The following NRG1 variants were observed in gnomAD, a reference collection of about 807,000 sequenced individuals.
The protein encoded by NRG1 is neuregulin 1, also known as pro-neuregulin-1, membrane-bound isoform.
A neutral mutation model predicts 63.8 loss-of-function variants in NRG1; 18 were observed. That is an observed-to-expected ratio of 0.28 (90% CI 0.19 to 0.42). The LOEUF is 0.42. NRG1 is among the 10% of genes least tolerant of loss of function. The pLI is 1.00. For synonymous variants in NRG1, 302 were observed against 301.3 expected (o/e 1.00, Z -0.02); for missense variants, 762 against 814.7 (o/e 0.94, Z 0.79).
chr8:32,185,342 G>A (rs113692628), intron 1 of NRG1, among the ~76,000 whole-genome samples: 27 of 152,164 alleles, frequency 1.8e-4, no homozygotes, highest in Admixed American at 9.2e-4. Flanking sequence ...TAATATTACC[G>A]TTATTACCTC....
In NRG1 at chr8:31,935,000, G is replaced by T. The variant is rs538079707; in HGVS notation, c.37+295569G>T. 4.9e-4 allele frequency among the ~76,000 whole-genome samples: 74 copies of T among 152,288 alleles called. 1 individual carries two copies. In the South Asian group the frequency reaches 8.1e-3, roughly 17 times the overall value. On this transcript the variant is annotated intron_variant, in intron 1 of 10. Transcript: ENST00000519301. ...ATTGCTCTGTCACCCCACCCAGGCTGGAGTGCAGTGGTATGATACAGCTGA... is the reference window on the plus strand; with the variant it reads ...ATTGCTCTGTCACCCCACCCAGGCTTGAGTGCAGTGGTATGATACAGCTGA...
intron 6 of NRG1, among the ~76,000 whole-genome samples, chr8:32,736,289 C>T (rs1316665953): frequency 6.6e-6 from 1 of 152,090 alleles, no homozygotes; most frequent in Admixed American, 6.6e-5. Flanking sequence ...GTAACAATAC[C>T]TTTGGGAAAG....
intron 1 of NRG1, among the ~76,000 whole-genome samples, chr8:31,981,050 G>A: frequency 6.6e-6 from 1 of 152,012 alleles, no homozygotes; most frequent in Non-Finnish European, 1.5e-5. Flanking sequence ...TCTTGGTTTA[G>A]AAATCTGTAG....
intron 5 of NRG1, among the ~76,000 whole-genome samples, chr8:32,665,133 C>T (rs1589074994): frequency 6.6e-6 from 1 of 152,112 alleles, no homozygotes; most frequent in East Asian, 1.9e-4. Context: ...TGTGTGTTCC[C>T]TTTAATAGGC....
At chr8:31,938,606 C>T (rs1293590912) in intron 1 of NRG1, among the ~76,000 whole-genome samples, 1 of 152,060 alleles carries the variant, frequency 6.6e-6, no homozygotes, top group Non-Finnish European at 1.5e-5. Context: ...GGTTATTAAG[C>T]TCATCAAGGA....
intron 1 of NRG1, among the ~76,000 whole-genome samples, chr8:32,087,922 A>C (rs1270881308): frequency 2.6e-5 from 4 of 152,146 alleles, no homozygotes; most frequent in Admixed American, 2.6e-4. Flanking sequence ...AACTGTTCTA[A>C]GACTTAGCTG....
chr8:31,749,503 G>A (rs1172064329), intron 1 of NRG1, among the ~76,000 whole-genome samples: 1 of 151,828 alleles, frequency 6.6e-6, no homozygotes, highest in Non-Finnish European at 1.5e-5. Flanking sequence ...TATGTAGTAT[G>A]TAAGCTGAAA....
chr8:32,421,740 A>T (rs55687194), intron 1 of NRG1, among the ~76,000 whole-genome samples: 15,104 of 152,256 alleles, frequency 0.099, 999 homozygotes, highest in Non-Finnish European at 0.14. Flanking sequence ...AATGAAAATC[A>T]CTTCGCATAC....
rs564703903 is a variant in NRG1, at chr8:32,390,574, G to A, written c.38-205254G>A. 4.8e-5 allele frequency among the ~76,000 whole-genome samples: 7 copies of A among 145,198 alleles called. No homozygotes were observed. The East Asian group carries it at 1.2e-3, about 25-fold the overall frequency. On this transcript the variant is annotated intron_variant, in intron 1 of 10. Transcript: ENST00000519301. ...GCCGTGATCATGCCACTGCATTCCAGCCTGGGCAACAGAGCGAGACCCTGT... is the reference window on the plus strand; with the variant it reads ...GCCGTGATCATGCCACTGCATTCCAACCTGGGCAACAGAGCGAGACCCTGT...
In NRG1 at chr8:32,605,753, A is replaced by G. The variant is rs564172332; in HGVS notation, c.400+70A>G. 4.6e-5 allele frequency: 70 copies of G among 1,521,260 alleles called. No individual in the cohort carries two copies. The African/African-American group carries it at 6.5e-4, about 14-fold the overall frequency. The allele number at this position is 1,521,260 out of a possible 1,614,324, so 94.2% of individuals were successfully genotyped here. On this transcript the variant is annotated intron_variant, in intron 3 of 11. Transcript: ENST00000356819. ...GTAATCAAAACATGTGGTAAGACTC[A>G]TAATAGACTGGTGTGTTAAATCTCA...
intron 1 of NRG1, among the ~76,000 whole-genome samples, chr8:32,436,635 C>T (rs2347501): frequency 0.28 from 43,193 of 151,780 alleles, 6,372 homozygotes; most frequent in African/African-American, 0.37. Flanking sequence ...TATGCCAGGT[C>T]TTTTTCTATG....
At chr8:31,960,713 A>T (rs575812975) in intron 1 of NRG1, among the ~76,000 whole-genome samples, 68 of 152,352 alleles carry the variant, frequency 4.5e-4, no homozygotes, top group African/African-American at 1.5e-3. Flanking sequence ...TCAGTTGAGA[A>T]TTGAAACCTT....
intron 1 of NRG1, among the ~76,000 whole-genome samples, chr8:32,593,992 G>C (rs1842946271): frequency 1.3e-5 from 2 of 151,980 alleles, no homozygotes; most frequent in Non-Finnish European, 2.9e-5. Context: ...TCATCTCCCA[G>C]CCACCAAATA....
chr8:32,654,624 G>C (rs1012807830), intron 5 of NRG1, among the ~76,000 whole-genome samples: 19 of 74,752 alleles, frequency 2.5e-4, no homozygotes, highest in African/African-American at 8.3e-4. Flanking sequence ...GTCAGACTCT[G>C]CCTCAAAAAA....
chr8:31,977,688 C>G (rs948807013), intron 1 of NRG1, among the ~76,000 whole-genome samples: 2 of 151,960 alleles, frequency 1.3e-5, no homozygotes, highest in Non-Finnish European at 2.9e-5. Flanking sequence ...ATGGTAATAA[C>G]AGCAATTATA....
intron 1 of NRG1, among the ~76,000 whole-genome samples, chr8:32,087,206 A>C (rs1828355670): frequency 6.6e-6 from 1 of 152,070 alleles, no homozygotes; most frequent in Admixed American, 6.6e-5. Context: ...AGGAGATTGG[A>C]TCGTGGGGGC....
intron 5 of NRG1, among the ~76,000 whole-genome samples, chr8:32,645,153 T>C (rs1464758649): frequency 6.6e-6 from 1 of 152,232 alleles, no homozygotes. Context: ...TACATGAATA[T>C]TGATCATTGA....
chr8:32,612,067 G>T (rs902082853), intron 3 of NRG1, among the ~76,000 whole-genome samples: 2 of 152,004 alleles, frequency 1.3e-5, no homozygotes, highest in African/African-American at 4.8e-5. Flanking sequence ...AAGTTGCTCA[G>T]CTGTGTTCAG....
chr8:32,539,541 T>A (rs1393830006), intron 1 of NRG1, among the ~76,000 whole-genome samples: 1 of 152,142 alleles, frequency 6.6e-6, no homozygotes, highest in Non-Finnish European at 1.5e-5. Flanking sequence ...GATCCTGAGC[T>A]CTGTCTGGCT....
Sources: gnomAD v4.1 joint callset for allele counts (sites outside exome capture counted in the v4.1 genomes callset) on GRCh38, gnomAD v4.1.1 for gene constraint, MANE v1.5 for transcripts, NCBI Gene and HGNC (gene_info 2026-07-23, HGNC 2026-07-21) for gene names.